Variants in ABCC11 observed in about 807,000 individuals in gnomAD.
ABCC11 encodes the protein ATP-binding cassette sub-family C member 11.
In ABCC11, 135 loss-of-function variants were observed where a neutral mutation model predicts 149.3. The ratio of observed to expected loss-of-function variants is 0.90; its 90% CI spans 0.79 to 1.04. The LOEUF (loss-of-function observed/expected upper bound fraction) is 1.04, where lower values mean the gene tolerates loss of function less well. Among genes scored for constraint, ABCC11 ranks in the 50% least tolerant of loss-of-function variants. ABCC11 has a pLI of 0.00. For synonymous variants in ABCC11, 665 were observed against 671.4 expected, an observed-to-expected ratio of 0.99 and a Z score of 0.15; for missense variants, 1,680 against 1,722.1, an observed-to-expected ratio of 0.98 and a Z score of 0.43.
rs538146661 is a variant in ABCC11 at position 48,219,022 on chromosome 16, C to CT, written c.778-2736dup. 7.9e-5 allele frequency among the ~76,000 whole-genome samples: 12 copies of CT among 152,312 alleles called. 1 individual carries two copies. In the East Asian group the frequency reaches 2.3e-3, roughly 29 times the overall value. ...ATTGATGTAAAAAATCCCCCAAAAG[C>CT]TATGTTCTACATTTTCTATTGGCAA... On this transcript the variant is annotated intron_variant, in intron 6 of 29. Coordinates refer to ENST00000356608, the MANE Select transcript of ABCC11 (RefSeq NM_001370497.1).
intron 26 of ABCC11, among the ~76,000 whole-genome samples, chr16:48,172,598 T>C (rs960271769): frequency 6.6e-6 from 1 of 152,216 alleles, no homozygotes; most frequent in African/African-American, 2.4e-5. Context: ...CAGCTAATTT[T>C]TGTTTACCTT....
At chr16:48,177,142 A>G (rs1966130605) in intron 24 of ABCC11, 29 bp from the exon 25 acceptor site, 1 of 1,601,404 alleles carries the variant, frequency 6.2e-7, no homozygotes, top group Non-Finnish European at 8.5e-7. Context: ...AAAAGAAATC[A>G]ATAGTTATCA....
At position 48,203,355 on chromosome 16, in the gene ABCC11, C is replaced by A; in HGVS notation, c.1806-55G>T. The A allele has an allele frequency of 2.0e-6, 3 of 1,463,550 alleles. No individual in the cohort carries two copies. The East Asian group carries it at 7.4e-5, about 36-fold the overall frequency. 90.7% of individuals were successfully genotyped at this position (1,463,550 alleles called of 1,614,324 possible). ...GGGGACCAGCCCTCCCGCCCATCAC[C>A]CTTCCCAGTGTCGAGAGGAATGGTC... On this transcript the variant is annotated intron_variant, in intron 13 of 29. Coordinates refer to ENST00000356608, the MANE Select transcript of ABCC11 (RefSeq NM_001370497.1).
At position 48,200,566 on chromosome 16, in the gene ABCC11, A is replaced by AC. The variant is rs1967877911; in HGVS notation, c.1879-88dup. The AC allele has an allele frequency of 2.1e-6, 3 of 1,396,118 alleles. No individual in the cohort carries two copies. The Admixed American group carries it at 6.0e-5, about 28-fold the overall frequency. 86.5% of individuals were successfully genotyped at this position (1,396,118 alleles called of 1,614,324 possible). A position where few individuals can be genotyped will look rare whatever the true frequency, so the allele number is the denominator to read the frequency against. On this transcript the variant is annotated intron_variant, in intron 14 of 29. Transcript: ENST00000356608. ...TGGGTAGGCAGATGTAGCAGACAGA[A>AC]CCCCCTCAGTACAGACCAAGATATG...
chr16:48,165,431 T>C (rs967440379), downstream of ABCC11, among the ~76,000 whole-genome samples: 1 of 152,256 alleles, frequency 6.6e-6, no homozygotes, highest in Non-Finnish European at 1.5e-5. Flanking sequence ...CGTCCAAGGA[T>C]TGCATCAGCC....
intron 20 of ABCC11, among the ~76,000 whole-genome samples, chr16:48,190,730 A>G (rs933428440): frequency 1.4e-4 from 21 of 152,178 alleles, no homozygotes; most frequent in African/African-American, 5.1e-4. Context: ...CAGTTTCCTC[A>G]TATGTAAAAT....
intron 17 of ABCC11, among the ~76,000 whole-genome samples, 169 bp downstream of exon 17, chr16:48,197,802 C>T (rs941720836): frequency 6.6e-6 from 1 of 152,200 alleles, no homozygotes; most frequent in African/African-American, 2.4e-5. Context: ...CATCAGTCTA[C>T]ACCCCATGGC....
At chr16:48,207,903 G>A (rs767305181) in intron 12 of ABCC11, among the ~76,000 whole-genome samples, 1 of 151,990 alleles carries the variant, frequency 6.6e-6, no homozygotes, top group Admixed American at 6.6e-5. Flanking sequence ...CCATCCAGCA[G>A]GGCTCCTCTC....
intron 2 of ABCC11, 45 bp downstream of exon 2, chr16:48,231,778 G>A: frequency 1.3e-6 from 2 of 1,598,694 alleles, no homozygotes; most frequent in South Asian, 1.1e-5. Flanking sequence ...AGAATATTCT[G>A]CCAACTCAGT....
chr16:48,195,466 AC>A (rs1215903106), intron 18 of ABCC11, among the ~76,000 whole-genome samples: 3 of 152,340 alleles, frequency 2.0e-5, no homozygotes, highest in Non-Finnish European at 4.4e-5. Context: ...AGGCATGCAG[AC>A]AGGAGACATC....
At chr16:48,241,274 T>C (rs1400643963) in intron 1 of ABCC11, among the ~76,000 whole-genome samples, 4 of 152,190 alleles carry the variant, frequency 2.6e-5, no homozygotes, top group Admixed American at 2.6e-4. Context: ...CCAAAATGCA[T>C]ATCATTGATC....
chr16:48,193,828 C>A (rs746505152), intron 19 of ABCC11, 51 bp downstream of exon 19: 2 of 1,476,424 alleles, frequency 1.4e-6, no homozygotes, highest in African/African-American at 2.8e-5. Context: ...GAAGTCACCC[C>A]ACCTCACTCA....
At chr16:48,211,510 T>C (rs1371794737) in intron 10 of ABCC11, among the ~76,000 whole-genome samples, 1 of 152,178 alleles carries the variant, frequency 6.6e-6, no homozygotes, top group Non-Finnish European at 1.5e-5. Context: ...CAAGTGATGA[T>C]AGCCATTGAC....
chr16:48,177,151 C>T (rs1320805341), intron 24 of ABCC11, 38 bp from the exon 25 acceptor site: 6 of 1,587,416 alleles, frequency 3.8e-6, no homozygotes, highest in Non-Finnish European at 5.1e-6. Context: ...CAATAGTTAT[C>T]ATCTATCTCG....
intron 1 of ABCC11, among the ~76,000 whole-genome samples, chr16:48,242,222 A>G (rs188858633): frequency 6.5e-4 from 99 of 152,336 alleles, no homozygotes; most frequent in African/African-American, 2.4e-3. Flanking sequence ...AACCCCATCT[A>G]AAAGTGGGCA....
At chr16:48,184,069 G>A (rs1343257356) in intron 23 of ABCC11, among the ~76,000 whole-genome samples, 1 of 152,214 alleles carries the variant, frequency 6.6e-6, no homozygotes, top group Non-Finnish European at 1.5e-5. Flanking sequence ...AGGAAGCCAA[G>A]AGATCAGTGT....
chr16:48,186,427 T>C (rs1342114108), intron 22 of ABCC11, among the ~76,000 whole-genome samples: 1 of 152,244 alleles, frequency 6.6e-6, no homozygotes, highest in African/African-American at 2.4e-5. Context: ...TTCTTGTAGG[T>C]GAAGACCGTG....
Position 48,244,673 on chromosome 16 carries a change from G to A in ABCC11, c.-19+2641C>T, listed in dbSNP as rs927950176. On this transcript the variant is annotated intron_variant, in intron 1 of 29. Transcript: ENST00000356608. ...GGCGGGCGGCGCGGCCTCCTCCGGG[G>A]ACCTGGGCCCAGGCCACGGCCTGCC... 12 of 1,261,012 alleles carry A rather than the reference G, an allele frequency of 9.5e-6. No homozygotes were observed. In the Admixed American group the frequency reaches 2.1e-4, roughly 22 times the overall value. 78.1% of individuals were successfully genotyped at this position (1,261,012 alleles called of 1,614,324 possible). A position where few individuals can be genotyped will look rare whatever the true frequency, so the allele number is the denominator to read the frequency against.
At chr16:48,170,070 G>A in intron 28 of ABCC11, 35 bp downstream of exon 28, 1 of 1,574,526 alleles carries the variant, frequency 6.4e-7, no homozygotes. Flanking sequence ...CGTAGTCTGT[G>A]GCTTCCCCTG....
Sources: allele counts gnomAD v4.1 joint callset (sites outside exome capture counted in the v4.1 genomes callset), GRCh38; gene constraint gnomAD v4.1.1; transcripts MANE v1.5; gene names NCBI Gene and HGNC (gene_info 2026-07-23, HGNC 2026-07-21).